SIPA1L1: variants seen among roughly 807,000 people sequenced by gnomAD.
The protein encoded by SIPA1L1 is signal-induced proliferation-associated 1-like protein 1.
Under a neutral mutation model 162.7 loss-of-function variants are expected in SIPA1L1, and 26 were observed. The observed-to-expected ratio is 0.16, with a 90% CI of 0.12 to 0.22. The LOEUF (loss-of-function observed/expected upper bound fraction) is 0.22. SIPA1L1 is among the 10% of genes least tolerant of loss of function. The probability of loss-of-function intolerance (pLI) is 1.00; values close to 1 mark genes in which losing one functional copy is unlikely to be tolerated. For missense variants in SIPA1L1, 1,874 were observed against 2,241.0 expected, an observed-to-expected ratio of 0.84 and a Z score of 3.31; for synonymous variants, 829 against 837.4, an observed-to-expected ratio of 0.99 and a Z score of 0.17.
chr14:71,719,200 A>C (rs937874218), intron 17 of SIPA1L1, among the ~76,000 whole-genome samples: 1 of 152,080 alleles, frequency 6.6e-6, no homozygotes. Context: ...CAGCCTCCCA[A>C]AATGCTGGCA....
At chr14:71,413,701 T>C (rs537790666) in intron 2 of SIPA1L1, among the ~76,000 whole-genome samples, 6 of 152,052 alleles carry the variant, frequency 3.9e-5, no homozygotes, top group Non-Finnish European at 8.8e-5. Context: ...CTTGCCACTG[T>C]ACTCCAGCCT....
intron 4 of SIPA1L1, among the ~76,000 whole-genome samples, chr14:71,545,431 A>T (rs1236707371): frequency 6.6e-6 from 1 of 152,152 alleles, no homozygotes; most frequent in Non-Finnish European, 1.5e-5. Context: ...TTTTCATTAG[A>T]TATACTGGAT....
intron 2 of SIPA1L1, among the ~76,000 whole-genome samples, chr14:71,395,844 A>G (rs1315104086): frequency 1.3e-5 from 2 of 152,190 alleles, no homozygotes; most frequent in South Asian, 2.1e-4. Context: ...TAGAAACTCT[A>G]TATATGTTAT....
At chr14:71,460,526 C>G (rs1362806892) in intron 2 of SIPA1L1, among the ~76,000 whole-genome samples, 1 of 152,176 alleles carries the variant, frequency 6.6e-6, no homozygotes, top group Non-Finnish European at 1.5e-5. Flanking sequence ...CTGTAACTCC[C>G]TTCTTAGTCT....
intron 3 of SIPA1L1, among the ~76,000 whole-genome samples, chr14:71,514,674 CTG>C (rs200790830): frequency 0.016 from 2,403 of 152,264 alleles, 56 homozygotes; most frequent in African/African-American, 0.055. Context: ...CTCTGACACT[CTG>C]ATGAGGCCCA....
At chr14:71,332,759 A>G (rs1232875307) in intron 2 of SIPA1L1, among the ~76,000 whole-genome samples, 1 of 152,146 alleles carries the variant, frequency 6.6e-6, no homozygotes, top group African/African-American at 2.4e-5. Flanking sequence ...TCATTTCTTC[A>G]TTCACTTAAT....
chr14:71,677,565 T>A (rs1238908714), intron 12 of SIPA1L1, among the ~76,000 whole-genome samples: 1 of 152,230 alleles, frequency 6.6e-6, no homozygotes, highest in Non-Finnish European at 1.5e-5. Context: ...ATGTCCTGAA[T>A]GGTATTGCCT....
Position 71,367,938 on chromosome 14 carries a change from A to G in SIPA1L1, c.-465+46757A>G, listed in dbSNP as rs555720738. 1.5e-4 allele frequency among the ~76,000 whole-genome samples: 22 copies of G among 143,706 alleles called. 2 individuals are homozygous for G. The East Asian group carries it at 4.4e-3, about 29-fold the overall frequency. 94.3% of individuals were successfully genotyped at this position (143,706 alleles called of 152,430 possible). A position where few individuals can be genotyped will look rare whatever the true frequency, so the allele number is the denominator to read the frequency against. On this transcript the variant is annotated intron_variant, in intron 2 of 23. Transcript: ENST00000381232. ...TTTTTTTTTTTTTTTTAATTAAAAC[A>G]TTAGTTAATTCTTATTAAAAGATTT...
At chr14:71,325,052 C>T (rs962661649) in intron 2 of SIPA1L1, among the ~76,000 whole-genome samples, 3 of 152,052 alleles carry the variant, frequency 2.0e-5, no homozygotes, top group African/African-American at 4.8e-5. Flanking sequence ...TTCCTTCTTC[C>T]GGGAGAGATA....
chr14:71,450,246 A>C (rs1054051895), intron 2 of SIPA1L1, among the ~76,000 whole-genome samples: 1 of 152,132 alleles, frequency 6.6e-6, no homozygotes, highest in African/African-American at 2.4e-5. Context: ...TCATATTTCT[A>C]TTTGGAGGGC....
chr14:71,682,423 A>G (rs1042029853), intron 12 of SIPA1L1, among the ~76,000 whole-genome samples: 1 of 152,226 alleles, frequency 6.6e-6, no homozygotes, highest in Non-Finnish European at 1.5e-5. Flanking sequence ...GAGTTAAGTA[A>G]GAGACCAGGA....
chr14:71,419,844 T>C (rs1305746843), intron 2 of SIPA1L1, among the ~76,000 whole-genome samples: 3 of 151,734 alleles, frequency 2.0e-5, no homozygotes, highest in African/African-American at 7.3e-5. Context: ...CTGGGCAACA[T>C]AGTGAGACCC....
rs747156563 is a variant in SIPA1L1 at position 71,723,846 on chromosome 14, G to A, written c.4408G>A (p.Glu1470Lys). 5 of 1,614,042 alleles carry A rather than the reference G, an allele frequency of 3.1e-6. No homozygotes were observed. Among genetic ancestry groups the A allele is most frequent in the East Asian group, 2.2e-5 (1 of 44,890 alleles). ...GTACCTGATTGGATGGAAAAAACCC[G>A]AAGGAACCATAAACTCCGTGGGATT... ...SKYLIGWKKP[E>K]GTINSVGFMD... The change falls in exon 18 of 24, where the codon GAA becomes AAA. Residue 1470 changes from glutamate (E) to lysine (K), a missense_variant. Physicochemically the swap from Glu to Lys is moderately conservative, Grantham distance 56 (BLOSUM62 1). Coordinates refer to ENST00000381232, the MANE Select transcript of SIPA1L1 (RefSeq NM_001386936.1).
chr14:71,554,710 C>A (rs754637013), intron 4 of SIPA1L1, among the ~76,000 whole-genome samples: 5 of 152,130 alleles, frequency 3.3e-5, no homozygotes, highest in Non-Finnish European at 7.4e-5. Flanking sequence ...TCTTGTTCCC[C>A]TGATCTGCTA....
intron 2 of SIPA1L1, among the ~76,000 whole-genome samples, chr14:71,338,290 G>A (rs980679343): frequency 6.6e-6 from 1 of 152,168 alleles, no homozygotes; most frequent in Admixed American, 6.5e-5. Context: ...ATCCTTTGTC[G>A]CAGGAGTCAA....
chr14:71,493,426 G>A (rs558959787), intron 2 of SIPA1L1, among the ~76,000 whole-genome samples: 2 of 152,268 alleles, frequency 1.3e-5, no homozygotes, highest in Admixed American at 1.3e-4. Flanking sequence ...TGGGCAGATG[G>A]GAGGTCTTGT....
chr14:71,421,104 T>G (rs1189105534), intron 2 of SIPA1L1, among the ~76,000 whole-genome samples: 2 of 152,234 alleles, frequency 1.3e-5, no homozygotes, highest in Admixed American at 6.5e-5. Flanking sequence ...TTTGTTCTTC[T>G]TTGTGATCAA....
intron 4 of SIPA1L1, among the ~76,000 whole-genome samples, chr14:71,577,760 CT>C (rs2033312914): frequency 1.0e-5 from 1 of 97,072 alleles, no homozygotes; most frequent in Non-Finnish European, 1.8e-5. Flanking sequence ...TTGAAACGGT[CT>C]TGCTCTGTCA....
At chr14:71,423,244 T>C (rs930073274) in intron 2 of SIPA1L1, among the ~76,000 whole-genome samples, 12 of 152,204 alleles carry the variant, frequency 7.9e-5, no homozygotes, top group Non-Finnish European at 1.3e-4. Flanking sequence ...TGAATATGAT[T>C]TGAAAATATT....
Sources: gnomAD v4.1 joint callset for allele counts (sites outside exome capture counted in the v4.1 genomes callset) on GRCh38, gnomAD v4.1.1 for gene constraint, MANE v1.5 for transcripts, NCBI Gene and HGNC (gene_info 2026-07-23, HGNC 2026-07-21) for gene names.